CELF2: variants seen among roughly 807,000 people sequenced by gnomAD.
CELF2 encodes CUG triplet repeat RNA-binding protein 2.
In CELF2, 8 loss-of-function variants were observed where a neutral mutation model predicts 62.6. That is an observed-to-expected ratio of 0.13 (90% CI 0.07 to 0.23). CELF2 has a LOEUF of 0.23. Among genes scored for constraint, CELF2 ranks in the 10% least tolerant of loss-of-function variants. The pLI, the probability that CELF2 is intolerant of heterozygous loss-of-function variation, is 1.00. For synonymous variants in CELF2, 258 were observed against 250.0 expected (o/e 1.03, Z -0.30); for missense variants, 333 against 671.0 (o/e 0.50, Z 5.56).
chr10:10,963,304 G>A lies in CELF2; in HGVS notation c.89+43305G>A, dbSNP rs150713903. 4.1e-3 allele frequency among the ~76,000 whole-genome samples: 628 copies of A among 152,088 alleles called. 5 individuals carry two copies. Among genetic ancestry groups the A allele is most frequent in the African/African-American group, 0.013 (555 of 41,504 alleles). ...TCCTGACCTCAAGTGATCCACCCAC[G>A]TTGGCCTCCCAAAGTGCTGGGATTA... is the stretch of plus-strand genomic sequence containing the variant. On this transcript the variant is annotated intron_variant, in intron 2 of 13. Transcript: ENST00000636488.
chr10:10,749,782 A>G, the CELF2 span, among the ~76,000 whole-genome samples: 4 of 152,330 alleles, frequency 2.6e-5, 1 homozygote, highest in Middle Eastern at 0.014. Context: ...TCAATAAATG[A>G]TATGATTTAA....
chr10:10,870,917 A>G (rs927329342), intron 1 of CELF2, among the ~76,000 whole-genome samples: 2 of 152,164 alleles, frequency 1.3e-5, no homozygotes, highest in Admixed American at 6.5e-5. Context: ...TTCTCTAGAC[A>G]TTACCGGACT....
chr10:10,670,578 G>C, the CELF2 span, among the ~76,000 whole-genome samples: 1 of 152,104 alleles, frequency 6.6e-6, no homozygotes, highest in South Asian at 2.1e-4. Flanking sequence ...ATTACATTCA[G>C]TGAACCTAGA....
chr10:11,140,883 G>A (rs1313257781), intron 1 of CELF2, among the ~76,000 whole-genome samples: 2 of 152,168 alleles, frequency 1.3e-5, no homozygotes, highest in Non-Finnish European at 1.5e-5. Flanking sequence ...CAGGCATGAT[G>A]GAGTGCGCCT....
At chr10:11,174,061 T>C (rs957147693) in intron 2 of CELF2, among the ~76,000 whole-genome samples, 8 of 152,154 alleles carry the variant, frequency 5.3e-5, no homozygotes, top group African/African-American at 1.9e-4. Flanking sequence ...TTAGGTATAA[T>C]ACTAAGGAAA....
At position 10,936,801 on chromosome 10, in the gene CELF2, G is replaced by T. The variant is rs559660444; in HGVS notation, c.89+16802G>T. 8 of 152,302 alleles carry T rather than the reference G, an allele frequency of 5.3e-5. No homozygotes were observed. In the South Asian group the frequency reaches 1.7e-3, roughly 32 times the overall value. 9.4% of individuals were successfully genotyped at this position (152,302 alleles called of 1,614,324 possible). A position where few individuals can be genotyped will look rare whatever the true frequency, so the allele number is the denominator to read the frequency against. On this transcript the variant is annotated intron_variant, in intron 2 of 13. Coordinates refer to the CELF2 transcript ENST00000636488. This position sits in a 1 kb window ranked among gnomAD's most constrained non-coding sequence, Gnocchi z 4.0. ...GAATGGTGCTCCTCAAATTTAGGTG[G>T]CTATGGAAGTGACCGGAGGATTGTG...
At chr10:10,621,243 C>CAAAA in the CELF2 span, among the ~76,000 whole-genome samples, 2 of 45,342 alleles carry the variant, frequency 4.4e-5, no homozygotes, top group African/African-American at 7.0e-5. Flanking sequence ...GACTCTGACT[C>CAAAA]AAAAAAAAAA....
At chr10:10,762,354 T>C in the CELF2 span, among the ~76,000 whole-genome samples, 1 of 152,084 alleles carries the variant, frequency 6.6e-6, no homozygotes, top group Non-Finnish European at 1.5e-5. Flanking sequence ...TGTAACAGCA[T>C]TTAATTATGG....
At chr10:10,703,810 G>A in the CELF2 span, among the ~76,000 whole-genome samples, 2 of 152,174 alleles carry the variant, frequency 1.3e-5, no homozygotes, top group South Asian at 2.1e-4. Context: ...TTTCTCAGAC[G>A]AGGGAGAATT....
chr10:10,940,189 A>G (rs776941138), intron 2 of CELF2, among the ~76,000 whole-genome samples: 37 of 152,200 alleles, frequency 2.4e-4, no homozygotes, highest in African/African-American at 7.5e-4. Context: ...CTTAACTCTA[A>G]AGGGTGGCAC....
chr10:10,550,673 T>C, the CELF2 span, among the ~76,000 whole-genome samples: 1 of 151,860 alleles, frequency 6.6e-6, no homozygotes, highest in Non-Finnish European at 1.5e-5. Context: ...CTCCATCTGA[T>C]TGGATCCTGG....
chr10:11,321,166 CTAT>C lies in CELF2; in HGVS notation c.1097-21_1097-19del. 6.2e-7 allele frequency: 1 copy of C among 1,612,540 alleles called. No individual in the cohort carries two copies. The highest frequency in any genetic ancestry group is 1.3e-5 in the African/African-American group (1 of 75,026). ...AATGAATAAGTGCTGTTTCTCTTCT[CTAT>C]TGTTGGGTTTTTTGTAAAGTTGCTC... On this transcript the variant is annotated intron_variant, in intron 10 of 12. Coordinates refer to ENST00000633077, the MANE Select transcript of CELF2 (RefSeq NM_001326342.2). The surrounding 1 kb of genome is among the most constrained non-coding windows in gnomAD (Gnocchi z 6.2).
At chr10:10,996,601 G>A (rs114877193) in intron 2 of CELF2, among the ~76,000 whole-genome samples, 69 of 152,228 alleles carry the variant, frequency 4.5e-4, no homozygotes, top group Middle Eastern at 3.4e-3. Context: ...TGATCTCATC[G>A]ATGGCAAGGT....
In CELF2 at chr10:11,197,049, GAAA is replaced by G. The variant is rs1481880130; in HGVS notation, c.272-20375_272-20373del. On this transcript the variant is annotated intron_variant, in intron 2 of 12. Transcript: ENST00000633077. ...GAAAAGAAAGAAAGAAAGAAAGAAA[GAAA>G]GAAAGAAAAGAAAGAAAGGAAAGAA... Among the ~76,000 whole-genome samples the G allele has an allele frequency of 3.9e-5, 2 of 51,596 alleles. 1 individual carries two copies. The highest frequency in any genetic ancestry group is 3.2e-4 in the Admixed American group (2 of 6,332). The allele number at this position is 51,596 out of a possible 152,430, so 33.8% of individuals were successfully genotyped here. A position where few individuals can be genotyped will look rare whatever the true frequency, so the allele number is the denominator to read the frequency against.
At chr10:11,279,330 C>T (rs577146460) in intron 8 of CELF2, among the ~76,000 whole-genome samples, 12 of 152,222 alleles carry the variant, frequency 7.9e-5, no homozygotes, top group African/African-American at 2.6e-4. Flanking sequence ...CATGAAGCAG[C>T]TCTTCATTTA....
At chr10:10,765,463 T>G in the CELF2 span, among the ~76,000 whole-genome samples, 1 of 152,146 alleles carries the variant, frequency 6.6e-6, no homozygotes, top group African/African-American at 2.4e-5. Context: ...TGAGAAGACC[T>G]GAAGACCTAT....
chr10:10,968,349 C>T (rs568333815), intron 2 of CELF2, among the ~76,000 whole-genome samples: 6 of 152,158 alleles, frequency 3.9e-5, no homozygotes, highest in African/African-American at 1.4e-4. Context: ...GGGTGGAATG[C>T]GTGATGATGT....
At chr10:10,466,034 G>A in the CELF2 span, among the ~76,000 whole-genome samples, 1 of 152,084 alleles carries the variant, frequency 6.6e-6, no homozygotes, top group Non-Finnish European at 1.5e-5. Context: ...TGTGATCCAA[G>A]AAACAAGAAT....
At chr10:10,815,634 C>T (rs1235442429) in intron 1 of CELF2, among the ~76,000 whole-genome samples, 1 of 152,130 alleles carries the variant, frequency 6.6e-6, no homozygotes, top group Non-Finnish European at 1.5e-5. Context: ...GCTCTGTCTG[C>T]AATCAAGCAG....
Sources: gnomAD v4.1 joint callset for allele counts (sites outside exome capture counted in the v4.1 genomes callset) on GRCh38, gnomAD v4.1.1 for gene constraint, Gnocchi (gnomAD v3.1) non-coding constraint, MANE v1.5 for transcripts, NCBI Gene and HGNC (gene_info 2026-07-23, HGNC 2026-07-21) for gene names.